The following EPM2A variants were observed in gnomAD, a reference collection of about 807,000 sequenced individuals.
EPM2A encodes EPM2A glucan phosphatase, laforin, also known as laforin.
Under a neutral mutation model 26.5 loss-of-function variants are expected in EPM2A, and 21 were observed. The ratio of observed to expected loss-of-function variants is 0.79; its 90% CI spans 0.56 to 1.14. EPM2A has a LOEUF of 1.14. EPM2A is among the 50% of genes most tolerant of loss of function. The probability of loss-of-function intolerance (pLI) is 0.00; values close to 1 mark genes in which losing one functional copy is unlikely to be tolerated. For synonymous variants in EPM2A, 217 were observed against 177.6 expected (o/e 1.22, Z -1.76); for missense variants, 458 against 440.8 (o/e 1.04, Z -0.35).
intron 4 of EPM2A, among the ~76,000 whole-genome samples, chr6:145,470,053 G>C (rs1779453905): frequency 6.6e-6 from 1 of 151,982 alleles, no homozygotes. Flanking sequence ...GGGGGAATGG[G>C]GATGGTTAAT....
intron 4 of EPM2A, among the ~76,000 whole-genome samples, chr6:145,427,450 A>C (rs1778867075): frequency 6.6e-6 from 1 of 152,132 alleles, no homozygotes; most frequent in African/African-American, 2.4e-5. Context: ...GCTAGAGCAG[A>C]GTGAGCCTGA....
chr6:145,627,051 GAGT>G lies in EPM2A; in HGVS notation c.*362_*364del. ...CATATCTTTTCCTCTACATGGCCAA[GAGT>G]TTCAGTGCAACAGGAAAGTGCTGTC... On this transcript the variant is annotated 3_prime_UTR_variant, in exon 4 of 4. Transcript: ENST00000367519. 1 of 1,166,952 alleles carries G rather than the reference GAGT, an allele frequency of 8.6e-7. No individual in the cohort carries two copies. The highest frequency in any genetic ancestry group is 5.8e-5 in the East Asian group (1 of 17,212). 72.3% of individuals were successfully genotyped at this position (1,166,952 alleles called of 1,614,324 possible).
intron 1 of EPM2A, among the ~76,000 whole-genome samples, chr6:145,695,174 G>A (rs965701551): frequency 2.6e-5 from 4 of 152,088 alleles, no homozygotes; most frequent in Non-Finnish European, 4.4e-5. Context: ...TGGTAGGGAG[G>A]AGTAAACATG....
intron 2 of EPM2A, among the ~76,000 whole-genome samples, chr6:145,505,677 C>G (rs997269494): frequency 2.6e-5 from 4 of 151,956 alleles, no homozygotes; most frequent in African/African-American, 9.7e-5. Context: ...CTGTATCAAG[C>G]TAAAACTAGT....
intron 1 of EPM2A, chr6:145,720,940 C>T (rs938812227): frequency 3.9e-5 from 6 of 152,154 alleles, no homozygotes; most frequent in Non-Finnish European, 2.9e-5. Flanking sequence ...GCAGGTGGAT[C>T]ACTTGTGCTT....
At chr6:145,469,109 T>A (rs1779438063) in intron 4 of EPM2A, among the ~76,000 whole-genome samples, 1 of 152,014 alleles carries the variant, frequency 6.6e-6, no homozygotes, top group Non-Finnish European at 1.5e-5. Flanking sequence ...CTCAGGAAAC[T>A]TACAATTATG....
downstream of EPM2A, among the ~76,000 whole-genome samples, chr6:145,498,341 C>T (rs1779847265): frequency 1.3e-5 from 2 of 152,148 alleles, no homozygotes; most frequent in South Asian, 2.1e-4. Context: ...CTGGATTCCA[C>T]CCCCTTCCTA....
chr6:145,442,574 C>T (rs1779078872), intron 4 of EPM2A, among the ~76,000 whole-genome samples: 2 of 151,226 alleles, frequency 1.3e-5, no homozygotes, highest in Non-Finnish European at 2.9e-5. Context: ...CCCCATGATT[C>T]AATTATCTCC....
intron 4 of EPM2A, among the ~76,000 whole-genome samples, chr6:145,474,465 A>C (rs1779517402): frequency 6.6e-6 from 1 of 152,174 alleles, no homozygotes; most frequent in African/African-American, 2.4e-5. Flanking sequence ...CCATCTCAAA[A>C]AAACTAAAAC....
intron 4 of EPM2A, among the ~76,000 whole-genome samples, chr6:145,389,205 C>CT (rs1162002053): frequency 0.051 from 7,331 of 143,196 alleles, 418 homozygotes; most frequent in African/African-American, 0.14. Flanking sequence ...ATCTTTTTTT[C>CT]TTTTTTTTTT....
chr6:145,730,504 A>G (rs1259277016), intron 1 of EPM2A, among the ~76,000 whole-genome samples: 1 of 152,228 alleles, frequency 6.6e-6, no homozygotes, highest in Non-Finnish European at 1.5e-5. Context: ...TATAGTCCTG[A>G]GCTTCTTGTG....
At chr6:145,665,596 C>T (rs1327262075) in intron 2 of EPM2A, among the ~76,000 whole-genome samples, 2 of 148,220 alleles carry the variant, frequency 1.3e-5, no homozygotes, top group Non-Finnish European at 3.0e-5. Context: ...CAATGAGGAG[C>T]TGGTACCATT....
intron 4 of EPM2A, among the ~76,000 whole-genome samples, chr6:145,464,824 C>A (rs1210958607): frequency 6.6e-6 from 1 of 152,036 alleles, no homozygotes; most frequent in Admixed American, 6.6e-5. Context: ...CCTTCAAAGC[C>A]CTAAATTATA....
At chr6:145,429,621 T>A (rs1345389471) in intron 4 of EPM2A, among the ~76,000 whole-genome samples, 1 of 152,176 alleles carries the variant, frequency 6.6e-6, no homozygotes, top group African/African-American at 2.4e-5. Flanking sequence ...TAATCATCTT[T>A]AGGATTGCCA....
chr6:145,707,177 G>GAAC (rs1478478089), intron 1 of EPM2A, among the ~76,000 whole-genome samples: 5 of 152,260 alleles, frequency 3.3e-5, no homozygotes, highest in Middle Eastern at 3.4e-3. Context: ...GCCTGAAAAG[G>GAAC]CTAAGACACT....
intron 4 of EPM2A, among the ~76,000 whole-genome samples, chr6:145,432,359 A>C (rs893322826): frequency 6.6e-6 from 1 of 152,216 alleles, no homozygotes; most frequent in African/African-American, 2.4e-5. Flanking sequence ...ATATAACTTG[A>C]AAGTCAAAGT....
chr6:145,625,794 G>T lies in EPM2A; in HGVS notation c.*1622C>A. 1 of 1,499,362 alleles carries T rather than the reference G, an allele frequency of 6.7e-7. No individual in the cohort carries two copies. Among genetic ancestry groups the T allele is most frequent in the Non-Finnish European group, 9.2e-7 (1 of 1,088,784 alleles). 92.9% of individuals were successfully genotyped at this position (1,499,362 alleles called of 1,614,324 possible). A position where few individuals can be genotyped will look rare whatever the true frequency, so the allele number is the denominator to read the frequency against. Reference sequence around the variant, plus strand: ...ATCTCCCCGTCCTCTGAGCTCCACTGAAACTTACCTTGTATCCTTCTTGTC... The same window carrying T: ...ATCTCCCCGTCCTCTGAGCTCCACTTAAACTTACCTTGTATCCTTCTTGTC... On this transcript the variant is annotated 3_prime_UTR_variant, in exon 4 of 4. Transcript: ENST00000367519.
At chr6:145,657,349 A>G (rs896676889) in intron 2 of EPM2A, among the ~76,000 whole-genome samples, 2 of 151,970 alleles carry the variant, frequency 1.3e-5, no homozygotes, top group Non-Finnish European at 2.9e-5. Context: ...CAGCCTACCA[A>G]ATGTGCTGGG....
chr6:145,567,986 AT>A (rs1224672976), intron 2 of EPM2A, among the ~76,000 whole-genome samples: 2 of 152,188 alleles, frequency 1.3e-5, no homozygotes, highest in Non-Finnish European at 2.9e-5. Context: ...GCCATTTACA[AT>A]TCCTGTTTCC....
Sources: allele counts gnomAD v4.1 joint callset (sites outside exome capture counted in the v4.1 genomes callset), GRCh38; gene constraint gnomAD v4.1.1; transcripts MANE v1.5; gene names NCBI Gene and HGNC (gene_info 2026-07-23, HGNC 2026-07-21).